Variants in RALGAPA2 observed in about 807,000 individuals in gnomAD.
The protein encoded by RALGAPA2 is ral GTPase-activating protein subunit alpha-2.
Under a neutral mutation model 230.4 loss-of-function variants are expected in RALGAPA2, and 139 were observed. The observed-to-expected ratio is 0.60, with a 90% CI of 0.53 to 0.69. The LOEUF is 0.69. Among genes scored for constraint, RALGAPA2 ranks in the 30% least tolerant of loss-of-function variants. The pLI, the probability that RALGAPA2 is intolerant of heterozygous loss-of-function variation, is 0.00. For missense variants in RALGAPA2, 2,163 were observed against 2,276.0 expected (o/e 0.95, Z 1.01); for synonymous variants, 847 against 837.8 (o/e 1.01, Z -0.19).
At chr20:20,630,246 C>A (rs1006704643) in intron 9 of RALGAPA2, among the ~76,000 whole-genome samples, 5 of 152,166 alleles carry the variant, frequency 3.3e-5, no homozygotes, top group African/African-American at 4.8e-5. Flanking sequence ...GCTCTCGTAT[C>A]CACATAGAAT....
intron 1 of RALGAPA2, among the ~76,000 whole-genome samples, chr20:20,701,557 T>C (rs1450735395): frequency 6.6e-6 from 1 of 151,768 alleles, no homozygotes; most frequent in African/African-American, 2.4e-5. Context: ...GCCAACATGG[T>C]GAAACCCCAT....
rs2065088262 is a variant in RALGAPA2, at chr20:20,584,903, A to G, written c.2492T>C (p.Leu831Ser). 6.2e-7 allele frequency: 1 copy of G among 1,611,974 alleles called. No homozygotes were observed. The highest frequency in any genetic ancestry group is 1.1e-5 in the South Asian group (1 of 90,830). The change falls in exon 19 of 40, where the codon TTG becomes TCG. Residue 831 changes from leucine to serine, a missense_variant. By Grantham distance (145) the Leu-to-Ser change is moderately radical. Coordinates refer to ENST00000202677, the MANE Select transcript of RALGAPA2 (RefSeq NM_020343.4). The part of the protein sequence containing the change: ...SPAELDLKDD[L>S]QQTQGKCRER... Reference sequence around the variant, plus strand: ...CCTACATTTTCCTTGTGTCTGCTGCAAATCATCTTTCAAATCCAATTCAGC... The same window carrying G: ...CCTACATTTTCCTTGTGTCTGCTGCGAATCATCTTTCAAATCCAATTCAGC...
chr20:20,683,127 T>C (rs185463364), intron 1 of RALGAPA2, among the ~76,000 whole-genome samples: 122 of 152,302 alleles, frequency 8.0e-4, no homozygotes, highest in Admixed American at 4.8e-3. Context: ...CATTCCTCAC[T>C]ACCCATCCCC....
intron 18 of RALGAPA2, among the ~76,000 whole-genome samples, chr20:20,586,214 C>A (rs1209972942): frequency 2.0e-5 from 3 of 152,150 alleles, no homozygotes; most frequent in African/African-American, 4.8e-5. Context: ...GTAAAAGAAA[C>A]TTCCAAGAAA....
Position 20,412,084 on chromosome 20 carries a change from C to A in RALGAPA2, c.5560G>T (p.Glu1854Ter). The stretch of plus-strand genomic sequence containing the variant: ...GAAAAGACTTGGGCTGCGAAATCCT[C>A]GAATGTCATTACTTCGCGGTGGTTC... ...IQNHREVMTF[E>*]DFAAQVFSPS... Residue 1854 changes from glutamate (E) to a stop codon, truncating the protein, a stop_gained, in exon 38 of 40, where the codon GAG becomes TAG. Transcript: ENST00000202677. LOFTEE classifies it high-confidence loss of function. The A allele has an allele frequency of 6.2e-7, 1 of 1,613,876 alleles. No homozygotes were observed. Among genetic ancestry groups the A allele is most frequent in the Non-Finnish European group, 8.5e-7 (1 of 1,179,844 alleles).
chr20:20,401,951 A>G (rs1004775227), intron 38 of RALGAPA2, among the ~76,000 whole-genome samples: 11 of 152,250 alleles, frequency 7.2e-5, no homozygotes, highest in Non-Finnish European at 1.3e-4. Flanking sequence ...TACATTCTAG[A>G]AAACAGTCCT....
intron 37 of RALGAPA2, among the ~76,000 whole-genome samples, chr20:20,465,404 A>C (rs2061399443): frequency 6.6e-6 from 1 of 152,156 alleles, no homozygotes; most frequent in Non-Finnish European, 1.5e-5. Context: ...GGGGTATAGC[A>C]GAGTGGCTGA....
In RALGAPA2 at chr20:20,712,266, CCATCCCCCTCCCCAGCCTCCCAG is replaced by C; in HGVS notation, c.106+86_106+108del. On this transcript the variant is annotated intron_variant, in intron 1 of 39. Coordinates refer to ENST00000202677, the MANE Select transcript of RALGAPA2 (RefSeq NM_020343.4). The surrounding 1 kb of genome is among the most constrained non-coding windows in gnomAD (Gnocchi z 5.5). The stretch of plus-strand genomic sequence containing the variant: ...CCAGGGAAGGGGGTCGGACGCCCAC[CCATCCCCCTCCCCAGCCTCCCAG>C]CCACCGACCCCTGCACAGAGGAGCG... The C allele has an allele frequency of 1.3e-6, 1 of 765,506 alleles. No homozygotes were observed. Among genetic ancestry groups the C allele is most frequent in the Non-Finnish European group, 1.9e-6 (1 of 515,110 alleles). 47.4% of individuals were successfully genotyped at this position (765,506 alleles called of 1,614,324 possible). A position where few individuals can be genotyped will look rare whatever the true frequency, so the allele number is the denominator to read the frequency against.
At chr20:20,465,447 G>A (rs199663274) in intron 37 of RALGAPA2, among the ~76,000 whole-genome samples, 2 of 152,128 alleles carry the variant, frequency 1.3e-5, no homozygotes, top group Non-Finnish European at 2.9e-5. Context: ...TCATCCCAGT[G>A]GGAAGCAGCA....
At chr20:20,566,690 T>C (rs914039589) in intron 23 of RALGAPA2, among the ~76,000 whole-genome samples, 10 of 152,294 alleles carry the variant, frequency 6.6e-5, no homozygotes, top group Non-Finnish European at 1.3e-4. Flanking sequence ...GTAGGCACTA[T>C]TATTATCCTC....
chr20:20,669,638 A>G (rs1373738042), intron 3 of RALGAPA2, among the ~76,000 whole-genome samples: 1 of 152,192 alleles, frequency 6.6e-6, no homozygotes, highest in Non-Finnish European at 1.5e-5. Flanking sequence ...CCTTCCTGCA[A>G]AAAAACACAA....
At chr20:20,610,735 A>G (rs1181776475) in intron 14 of RALGAPA2, among the ~76,000 whole-genome samples, 1 of 151,926 alleles carries the variant, frequency 6.6e-6, no homozygotes, top group African/African-American at 2.4e-5. Flanking sequence ...TTTCTCCTCC[A>G]TCTACTCCAG....
chr20:20,704,691 T>C (rs2069525569), intron 1 of RALGAPA2, among the ~76,000 whole-genome samples: 1 of 152,220 alleles, frequency 6.6e-6, no homozygotes. Flanking sequence ...TCTCCCAGCA[T>C]CTATGTTTCA....
intron 19 of RALGAPA2, 145 bp downstream of exon 19, chr20:20,584,720 G>A (rs1023112907): frequency 1.8e-6 from 1 of 558,732 alleles, no homozygotes; most frequent in Non-Finnish European, 3.0e-6. Flanking sequence ...GGTTGAGGCT[G>A]CAGTGAGCCA....
At chr20:20,711,084 A>T (rs2069843286) in intron 1 of RALGAPA2, among the ~76,000 whole-genome samples, 1 of 152,360 alleles carries the variant, frequency 6.6e-6, no homozygotes, top group Middle Eastern at 3.4e-3. Context: ...TGTAACAGCA[A>T]CTAATTTACA....
chr20:20,636,329 A>T (rs2066856712), intron 8 of RALGAPA2, among the ~76,000 whole-genome samples: 1 of 152,232 alleles, frequency 6.6e-6, no homozygotes, highest in Non-Finnish European at 1.5e-5. Flanking sequence ...TACCTGTATG[A>T]GGCAGAAAAA....
Position 20,576,004 on chromosome 20 carries a change from TCTTG to T in RALGAPA2, c.2708-2940_2708-2937del, listed in dbSNP as rs568337903. ...AATTTATGTCTTTGTTACTCATTTC[TCTTG>T]CTTATTTTTAAAAGCCACTTATTTT... is the stretch of plus-strand genomic sequence containing the variant. On this transcript the variant is annotated intron_variant, in intron 20 of 39. Coordinates refer to ENST00000202677, the MANE Select transcript of RALGAPA2 (RefSeq NM_020343.4). Among the ~76,000 whole-genome samples, 118 of 152,286 alleles carry T rather than the reference TCTTG, an allele frequency of 7.7e-4. 1 individual carries two copies. The highest frequency in any genetic ancestry group is 1.4e-3 in the Non-Finnish European group (95 of 68,016).
At chr20:20,631,699 C>T (rs2066677704) in intron 9 of RALGAPA2, among the ~76,000 whole-genome samples, 1 of 152,186 alleles carries the variant, frequency 6.6e-6, no homozygotes, top group Non-Finnish European at 1.5e-5. Flanking sequence ...TAAATTTGTA[C>T]TGTTTCAAGA....
chr20:20,531,801 T>C lies in RALGAPA2; in HGVS notation c.3474-6A>G, dbSNP rs1453733476. On this transcript the variant is annotated splice_polypyrimidine_tract_variant and splice_region_variant and intron_variant, in intron 26 of 39. Transcript: ENST00000202677. ...GGGAGCAAACAGCAATGCATCTTTTTAAAAAGAAGAAAACAGAGGAAAACT... is the reference window on the plus strand; with the variant it reads ...GGGAGCAAACAGCAATGCATCTTTTCAAAAAGAAGAAAACAGAGGAAAACT... The C allele has an allele frequency of 6.3e-7, 1 of 1,581,124 alleles. No individual in the cohort carries two copies.
Sources: allele counts gnomAD v4.1 joint callset (sites outside exome capture counted in the v4.1 genomes callset), GRCh38; gene constraint gnomAD v4.1.1; non-coding constraint Gnocchi (gnomAD v3.1); transcripts MANE v1.5; gene names NCBI Gene and HGNC (gene_info 2026-07-23, HGNC 2026-07-21).